The following ARMH4 variants were observed in gnomAD, a reference collection of about 807,000 sequenced individuals.
The protein encoded by ARMH4 is armadillo-like helical domain-containing protein 4.
A neutral mutation model predicts 61.9 loss-of-function variants in ARMH4; 49 were observed. The observed-to-expected ratio is 0.79, with a 90% CI of 0.63 to 1.00. The LOEUF is 1.00. ARMH4 is among the 50% of genes least tolerant of loss of function. The pLI, the probability that ARMH4 is intolerant of heterozygous loss-of-function variation, is 0.00. For synonymous variants in ARMH4, 368 were observed against 341.5 expected (o/e 1.08, Z -0.85); for missense variants, 934 against 930.0 (o/e 1.00, Z -0.06).
chr14:58,144,636 G>C (rs1392034683), intron 1 of ARMH4, among the ~76,000 whole-genome samples: 1 of 152,208 alleles, frequency 6.6e-6, no homozygotes, highest in Admixed American at 6.5e-5. Flanking sequence ...GGGAGGCCAA[G>C]GCGGGTGGAT....
chr14:58,144,771 G>A (rs1452424770), intron 1 of ARMH4, among the ~76,000 whole-genome samples: 2 of 152,140 alleles, frequency 1.3e-5, no homozygotes, highest in Admixed American at 1.3e-4. Flanking sequence ...GGGAGGCTGA[G>A]GCAGGAGAAT....
At chr14:58,048,326 C>A (rs1235337956) in intron 5 of ARMH4, among the ~76,000 whole-genome samples, 1 of 152,210 alleles carries the variant, frequency 6.6e-6, no homozygotes, top group East Asian at 1.9e-4. Flanking sequence ...AGGCATCAAG[C>A]TACATCTGGT....
At position 58,083,383 on chromosome 14, in the gene ARMH4, C is replaced by G. The variant is rs1885287836; in HGVS notation, c.2089+13341G>C. Among the ~76,000 whole-genome samples the G allele has an allele frequency of 2.0e-5, 3 of 152,188 alleles. No homozygotes were observed. The South Asian group carries it at 6.2e-4, about 32-fold the overall frequency. On this transcript the variant is annotated intron_variant, in intron 5 of 7. Coordinates refer to ENST00000267485, the MANE Select transcript of ARMH4 (RefSeq NM_001001872.4). ...TCACTTGAGGCCAGGAGTTTGAGAC[C>G]AGCTTGGCCAATATAGCAAAACCCC...
At chr14:58,146,465 C>T (rs1887734010) in intron 1 of ARMH4, among the ~76,000 whole-genome samples, 2 of 152,218 alleles carry the variant, frequency 1.3e-5, no homozygotes, top group South Asian at 4.1e-4. Flanking sequence ...GCTTAAAAAG[C>T]ATCTCCTTCA....
chr14:58,068,258 A>C (rs541310185), intron 5 of ARMH4, among the ~76,000 whole-genome samples: 9 of 151,948 alleles, frequency 5.9e-5, no homozygotes, highest in African/African-American at 1.9e-4. Flanking sequence ...AAAAAGCTTT[A>C]GTTGCTGATG....
chr14:58,121,989 C>G (rs1316861479), intron 4 of ARMH4, among the ~76,000 whole-genome samples: 1 of 152,172 alleles, frequency 6.6e-6, no homozygotes, highest in African/African-American at 2.4e-5. Context: ...AGGGCATATT[C>G]CATGGAATAC....
At chr14:58,008,887 T>C (rs1004383390) in intron 6 of ARMH4, among the ~76,000 whole-genome samples, 7 of 152,218 alleles carry the variant, frequency 4.6e-5, no homozygotes, top group Admixed American at 1.3e-4. Context: ...ATTGGTTTTA[T>C]TGATATAACA....
intron 5 of ARMH4, among the ~76,000 whole-genome samples, chr14:58,087,267 T>C (rs1471856507): frequency 6.6e-6 from 1 of 152,208 alleles, no homozygotes; most frequent in African/African-American, 2.4e-5. Flanking sequence ...CGTAACCTAC[T>C]ACTTATAGTA....
intron 5 of ARMH4, among the ~76,000 whole-genome samples, chr14:58,055,423 G>T (rs1426882463): frequency 6.6e-6 from 1 of 152,156 alleles, no homozygotes; most frequent in African/African-American, 2.4e-5. Flanking sequence ...AGGAGAAGAT[G>T]AGGTAGAATA....
rs554561874 is a variant in ARMH4, at chr14:58,139,226, C to T, written c.133G>A (p.Gly45Arg). ...REIAHVHAEK[G>R]QSDKMNTDDL... ...TCGGTGTTCATCTTATCGGACTGCC[C>T]TTTTTCCGCATGAACATGTGCTATC... Residue 45 changes from glycine to arginine, a missense_variant, in exon 2 of 8, where the codon GGG becomes AGG. Gly to Arg is a moderately radical substitution (Grantham distance 125, BLOSUM62 -2). Coordinates refer to ENST00000267485, the MANE Select transcript of ARMH4 (RefSeq NM_001001872.4). 1.8e-5 allele frequency: 29 copies of T among 1,614,196 alleles called. No homozygotes were observed. In the East Asian group the frequency reaches 6.2e-4, roughly 35 times the overall value.
intron 5 of ARMH4, among the ~76,000 whole-genome samples, chr14:58,034,428 G>A (rs202196334): frequency 0.23 from 26,968 of 117,516 alleles, 5,095 homozygotes; most frequent in East Asian, 0.55. Context: ...AGGAACAACC[G>A]GTACCAGCTG....
rs191809219 is a variant in ARMH4, at chr14:58,023,649, C to G, written c.2090-11499G>C. Among the ~76,000 whole-genome samples the G allele has an allele frequency of 5.9e-5, 9 of 152,264 alleles. No homozygotes were observed. The East Asian group carries it at 1.5e-3, about 26-fold the overall frequency. ...CTGAATGGCATCTAGAAAGATGAAT[C>G]CTTTCCAGAAGGTTTACAACTTACT... is the stretch of plus-strand genomic sequence containing the variant. On this transcript the variant is annotated intron_variant, in intron 5 of 7. Coordinates refer to ENST00000267485, the MANE Select transcript of ARMH4 (RefSeq NM_001001872.4).
rs1881966252 is a variant in ARMH4 at position 58,001,037 on chromosome 14, G to A, written c.*3699C>T. ...CCACCTTTAACTTTGCCCAGCCCGT[G>A]GCAAGCACCATTTTGCCTCTGCCCT... On this transcript the variant is annotated 3_prime_UTR_variant, in exon 8 of 8. Coordinates refer to ENST00000267485, the MANE Select transcript of ARMH4 (RefSeq NM_001001872.4). 6.6e-6 allele frequency: 1 copy of A among 152,124 alleles called. No individual in the cohort carries two copies. Among genetic ancestry groups the A allele is most frequent in the Non-Finnish European group, 1.5e-5 (1 of 68,040 alleles). 9.4% of individuals were successfully genotyped at this position (152,124 alleles called of 1,614,324 possible).
rs140574899 is a variant in ARMH4 at position 58,126,362 on chromosome 14, G to A, written c.1831+5150C>T. On this transcript the variant is annotated intron_variant, in intron 4 of 7. Transcript: ENST00000267485. ...ATTCCCGTTATCAGTAAAGAAGACC[G>A]CAGAAGGGGACAGAACTAGAAACCC... Among the ~76,000 whole-genome samples, 198 of 152,234 alleles carry A rather than the reference G, an allele frequency of 1.3e-3. 1 individual carries two copies. Among genetic ancestry groups the A allele is most frequent in the Middle Eastern group, 6.8e-3 (2 of 294 alleles).
intron 5 of ARMH4, among the ~76,000 whole-genome samples, chr14:58,047,461 A>G (rs1452736852): frequency 6.6e-6 from 1 of 152,194 alleles, no homozygotes; most frequent in Non-Finnish European, 1.5e-5. Context: ...CCCTTTACAT[A>G]GAGTAATTTT....
intron 5 of ARMH4, among the ~76,000 whole-genome samples, chr14:58,052,586 C>T (rs1276635843): frequency 6.6e-6 from 1 of 152,146 alleles, no homozygotes; most frequent in Non-Finnish European, 1.5e-5. Context: ...CGTTTCCCCT[C>T]ACCTCTCTGG....
At chr14:58,053,909 A>G (rs1428359651) in intron 5 of ARMH4, among the ~76,000 whole-genome samples, 1 of 152,198 alleles carries the variant, frequency 6.6e-6, no homozygotes, top group Non-Finnish European at 1.5e-5. Context: ...TCTATACCAT[A>G]CAGTGCTTAT....
intron 1 of ARMH4, among the ~76,000 whole-genome samples, chr14:58,145,885 G>A (rs138370656): frequency 1.5e-3 from 229 of 152,282 alleles, no homozygotes; most frequent in African/African-American, 4.6e-3. Context: ...CAGAAAACAC[G>A]TCTGGAACTC....
chr14:58,118,882 G>T (rs1886624099), intron 4 of ARMH4, among the ~76,000 whole-genome samples: 1 of 152,164 alleles, frequency 6.6e-6, no homozygotes, highest in Non-Finnish European at 1.5e-5. Flanking sequence ...TAGGAAACAG[G>T]ATTCCTCAGA....
Sources: allele counts gnomAD v4.1 joint callset (sites outside exome capture counted in the v4.1 genomes callset), GRCh38; gene constraint gnomAD v4.1.1; transcripts MANE v1.5; gene names NCBI Gene and HGNC (gene_info 2026-07-23, HGNC 2026-07-21).